The following PMM2 variants were observed in gnomAD, a reference collection of about 807,000 sequenced individuals.
The protein encoded by PMM2 is mannose-6-phosphate isomerase.
Under a neutral mutation model 33.2 loss-of-function variants are expected in PMM2, and 35 were observed. The ratio of observed to expected loss-of-function variants is 1.06; its 90% CI spans 0.81 to 1.40. The LOEUF (loss-of-function observed/expected upper bound fraction) is 1.40. Among genes scored for constraint, PMM2 ranks in the 40% most tolerant of loss-of-function variants. The probability of loss-of-function intolerance (pLI) is 0.00; values close to 1 mark genes in which losing one functional copy is unlikely to be tolerated. For synonymous variants in PMM2, 153 were observed against 114.7 expected (o/e 1.33, Z -2.13); for missense variants, 386 against 306.0 (o/e 1.26, Z -1.95).
At position 8,828,265 on chromosome 16, in the gene PMM2, T is replaced by C. The variant is rs79196461; in HGVS notation, c.639+15159T>C. Among the ~76,000 whole-genome samples the C allele has an allele frequency of 2.6e-5, 4 of 152,026 alleles. No individual in the cohort carries two copies. The East Asian group carries it at 7.7e-4, about 29-fold the overall frequency. On this transcript the variant is annotated intron_variant, in intron 7 of 7. Transcript: ENST00000268261. The stretch of plus-strand genomic sequence containing the variant: ...ATTTAGAATCTCCCCAAACGTAGTT[T>C]AGAGAAAAGAAAATTTAAGGCAGAT...
intron 7 of PMM2, among the ~76,000 whole-genome samples, chr16:8,837,866 C>G (rs1038699587): frequency 6.6e-6 from 1 of 152,070 alleles, no homozygotes; most frequent in Non-Finnish European, 1.5e-5. Context: ...GCTGCCTTCC[C>G]AGTCTCTGAC....
At chr16:8,832,518 T>C (rs2060816817) in intron 7 of PMM2, 2 of 985,274 alleles carry the variant, frequency 2.0e-6, no homozygotes, top group African/African-American at 3.5e-5. Context: ...GCATGTGACA[T>C]CTGCAGGGAA....
At chr16:8,805,388 G>T (rs1367213292) in intron 3 of PMM2, among the ~76,000 whole-genome samples, 1 of 152,030 alleles carries the variant, frequency 6.6e-6, no homozygotes, top group Non-Finnish European at 1.5e-5. Context: ...GTTTTAAAAA[G>T]ATGGGGTCTT....
chr16:8,812,935 T>C, intron 6 of PMM2, 56 bp from the exon 7 acceptor site: 1 of 964,718 alleles, frequency 1.0e-6, no homozygotes, highest in Non-Finnish European at 1.7e-6. Context: ...TTCAGTGACA[T>C]ATCATTAGCC....
Position 8,801,916 on chromosome 16 carries a change from T to C in PMM2, c.178+6T>C, listed in dbSNP as rs1192783444. On this transcript the variant is annotated splice_donor_region_variant and intron_variant, in intron 2 of 7. Transcript: ENST00000268261. Reference sequence around the variant, plus strand: ...GGAGCAACTGGGAAATGATGGTAAATGATGGGTTGCTAATTACATCTGGTA... The same window carrying C: ...GGAGCAACTGGGAAATGATGGTAAACGATGGGTTGCTAATTACATCTGGTA... 1 of 1,553,480 alleles carries C rather than the reference T, an allele frequency of 6.4e-7. No homozygotes were observed. Among genetic ancestry groups the C allele is most frequent in the Non-Finnish European group, 8.9e-7 (1 of 1,126,344 alleles).
At chr16:8,822,579 A>G (rs185136816) in intron 7 of PMM2, among the ~76,000 whole-genome samples, 1 of 152,348 alleles carries the variant, frequency 6.6e-6, no homozygotes, top group East Asian at 1.9e-4. Context: ...CATTTAGGTC[A>G]CCATCATAAT....
chr16:8,826,645 A>G (rs28896221), intron 7 of PMM2, among the ~76,000 whole-genome samples: 4 of 152,252 alleles, frequency 2.6e-5, no homozygotes, highest in Non-Finnish European at 4.4e-5. Flanking sequence ...ACTAAAATGC[A>G]TTAGAGTTGC....
chr16:8,847,550 T>G (rs1312876024), intron 7 of PMM2, 174 bp from the exon 8 acceptor site: 6 of 623,120 alleles, frequency 9.6e-6, no homozygotes, highest in African/African-American at 1.8e-5. Context: ...AATCTCTTCT[T>G]AATAACAATT....
In PMM2 at chr16:8,813,100, T is replaced by G; in HGVS notation, c.633T>G (p.Thr211=). 1 of 1,576,728 alleles carries G rather than the reference T, an allele frequency of 6.3e-7. No homozygotes were observed. The highest frequency in any genetic ancestry group is 8.7e-7 in the Non-Finnish European group (1 of 1,145,786). Reference sequence around the variant, plus strand: ...CCATTTATTTCTTTGGAGACAAAACTATGCCAGTAAGTAGAGAAGTGTTTG... The same window carrying G: ...CCATTTATTTCTTTGGAGACAAAACGATGCCAGTAAGTAGAGAAGTGTTTG... ...YKTIYFFGDK[T]MPGGNDHEIF... is the part of the protein sequence containing the mutation. Residue 211 remains threonine, a synonymous_variant, in exon 7 of 8, where the codon ACT becomes ACG. Coordinates refer to ENST00000268261, the MANE Select transcript of PMM2 (RefSeq NM_000303.3).
chr16:8,806,393 A>T lies in PMM2; in HGVS notation c.333A>T (p.Lys111Asn). The change falls in exon 4 of 8, where the codon AAA becomes AAT. Residue 111 changes from lysine to asparagine, a missense_variant. Transcript: ENST00000268261. ...NYCLSYIAKI[K>N]LPKKRGTFIE... ...GTCTGAGCTACATTGCGAAAATTAA[A>T]CTCCCGAAGAAGAGGTGGGTTTGCT... 1 of 1,611,324 alleles carries T rather than the reference A, an allele frequency of 6.2e-7. No individual in the cohort carries two copies. Among genetic ancestry groups the T allele is most frequent in the Non-Finnish European group, 8.5e-7 (1 of 1,177,514 alleles).
At chr16:8,824,440 C>T (rs758681377) in intron 7 of PMM2, among the ~76,000 whole-genome samples, 24 of 152,328 alleles carry the variant, frequency 1.6e-4, no homozygotes, top group Non-Finnish European at 2.4e-4. Context: ...CTCTGTGACA[C>T]ACAGTTTAAC....
chr16:8,802,211 C>G, intron 2 of PMM2: 1 of 460,788 alleles, frequency 2.2e-6, no homozygotes, highest in Non-Finnish European at 4.3e-6. Flanking sequence ...TACCCGTTGA[C>G]AGCCCTTCTA....
intron 7 of PMM2, among the ~76,000 whole-genome samples, chr16:8,834,722 C>G (rs2060832464): frequency 6.6e-6 from 1 of 151,952 alleles, no homozygotes; most frequent in Non-Finnish European, 1.5e-5. Context: ...GTGGCTTGTA[C>G]TATAGCATAG....
intron 6 of PMM2, among the ~76,000 whole-genome samples, chr16:8,812,261 G>A (rs368289653): frequency 9.9e-5 from 15 of 152,276 alleles, no homozygotes; most frequent in African/African-American, 3.4e-4. Context: ...GAACGTTTCT[G>A]GTGTCTAATG....
intron 7 of PMM2, chr16:8,842,108 ACC>A (rs2060894582): frequency 6.6e-6 from 1 of 150,514 alleles, no homozygotes; most frequent in African/African-American, 2.5e-5. Context: ...AAGAATTCTG[ACC>A]GCACTAACCA....
intron 7 of PMM2, among the ~76,000 whole-genome samples, chr16:8,840,205 G>T (rs1269441151): frequency 6.6e-6 from 1 of 151,810 alleles, no homozygotes; most frequent in East Asian, 1.9e-4. Context: ...GAGGTAGAGG[G>T]TGGCATAAGA....
intron 7 of PMM2, among the ~76,000 whole-genome samples, chr16:8,836,303 T>A (rs1289208900): frequency 6.6e-6 from 1 of 151,990 alleles, no homozygotes; most frequent in Non-Finnish European, 1.5e-5. Context: ...AGCCGAGATC[T>A]GGGAAGGAGT....
intron 7 of PMM2, among the ~76,000 whole-genome samples, chr16:8,842,952 T>G (rs562454702): frequency 2.0e-5 from 3 of 151,844 alleles, no homozygotes; most frequent in Non-Finnish European, 4.4e-5. Flanking sequence ...TGGGGGGATA[T>G]GAGAGGAAGA....
At chr16:8,799,631 T>C (rs1441133293) in intron 1 of PMM2, among the ~76,000 whole-genome samples, 2 of 151,830 alleles carry the variant, frequency 1.3e-5, no homozygotes, top group African/African-American at 4.8e-5. Context: ...CACTGCAACC[T>C]CCACCTCCCA....
Sources: allele counts gnomAD v4.1 joint callset (sites outside exome capture counted in the v4.1 genomes callset), GRCh38; gene constraint gnomAD v4.1.1; transcripts MANE v1.5; gene names NCBI Gene and HGNC (gene_info 2026-07-23, HGNC 2026-07-21).